GALNTL6: variants seen among roughly 807,000 people sequenced by gnomAD.
GALNTL6 encodes polypeptide N-acetylgalactosaminyltransferase-like 6.
A neutral mutation model predicts 73.7 loss-of-function variants in GALNTL6; 46 were observed. The observed-to-expected ratio is 0.62, with a 90% confidence interval of 0.49 to 0.80. The LOEUF is 0.80. GALNTL6 is among the 30% of genes least tolerant of loss of function. The pLI, the probability that GALNTL6 is intolerant of heterozygous loss-of-function variation, is 0.00. For missense variants in GALNTL6, 604 were observed against 755.0 expected (o/e 0.80, Z 2.34); for synonymous variants, 259 against 263.7 (o/e 0.98, Z 0.17).
In GALNTL6 at chr4:171,890,228, C is replaced by G. The variant is rs566111767; in HGVS notation, c.138+75510C>G. 5.3e-5 allele frequency among the ~76,000 whole-genome samples: 8 copies of G among 152,130 alleles called. No individual in the cohort carries two copies. In the East Asian group the frequency reaches 1.5e-3, roughly 29 times the overall value. Reference sequence around the variant, plus strand: ...ATGTATATATCATCATTTCCAAGACCTGCAAAGTCAAGTGGTTTTTATAAA... The same window carrying G: ...ATGTATATATCATCATTTCCAAGACGTGCAAAGTCAAGTGGTTTTTATAAA... On this transcript the variant is annotated intron_variant, in intron 2 of 12. Transcript: ENST00000506823.
At chr4:172,108,082 A>T (rs1732738642) in intron 2 of GALNTL6, among the ~76,000 whole-genome samples, 1 of 152,180 alleles carries the variant, frequency 6.6e-6, no homozygotes, top group African/African-American at 2.4e-5. Context: ...CTGGGGAAAC[A>T]GTTAATGTAA....
chr4:172,175,627 T>C (rs2110833798), intron 2 of GALNTL6, among the ~76,000 whole-genome samples: 2 of 152,362 alleles, frequency 1.3e-5, no homozygotes, highest in Middle Eastern at 6.8e-3. Flanking sequence ...TTAACAATGC[T>C]AAGAATTTTG....
intron 5 of GALNTL6, among the ~76,000 whole-genome samples, chr4:172,425,490 A>T (rs1233594445): frequency 6.6e-6 from 1 of 152,096 alleles, no homozygotes; most frequent in East Asian, 1.9e-4. Flanking sequence ...ATCTTACCAA[A>T]GTACACACTG....
intron 2 of GALNTL6, among the ~76,000 whole-genome samples, chr4:172,036,861 A>C (rs1358338569): frequency 6.6e-6 from 1 of 152,156 alleles, no homozygotes; most frequent in Non-Finnish European, 1.5e-5. Context: ...CCTTGAAATA[A>C]TATCTCTTTT....
intron 8 of GALNTL6, among the ~76,000 whole-genome samples, chr4:172,919,540 C>G (rs925313683): frequency 6.6e-6 from 1 of 152,072 alleles, no homozygotes; most frequent in Non-Finnish European, 1.5e-5. Context: ...CCCAAGTGAG[C>G]GGCAAAGGAA....
At chr4:172,580,741 A>G (rs12647770) in intron 5 of GALNTL6, among the ~76,000 whole-genome samples, 72,255 of 151,698 alleles carry the variant, frequency 0.48, 18,840 homozygotes, top group East Asian at 0.67. Context: ...ACATTATTTA[A>G]CTGTAGGATT....
rs1231984510 is a variant in GALNTL6, at chr4:172,374,414, G to C, written c.553+25725G>C. 2.6e-5 allele frequency among the ~76,000 whole-genome samples: 4 copies of C among 152,300 alleles called. No individual in the cohort carries two copies. In the East Asian group the frequency reaches 5.8e-4, roughly 22 times the overall value. On this transcript the variant is annotated intron_variant, in intron 5 of 12. Transcript: ENST00000506823. Reference sequence around the variant, plus strand: ...GAGCTTTCTCCTGATATCTGCAGCTGATTGGGTAATAAACTTATCTTTTAG... The same window carrying C: ...GAGCTTTCTCCTGATATCTGCAGCTCATTGGGTAATAAACTTATCTTTTAG...
chr4:172,980,540 A>G (rs940660516), intron 10 of GALNTL6, among the ~76,000 whole-genome samples: 5 of 152,132 alleles, frequency 3.3e-5, no homozygotes, highest in East Asian at 1.9e-4. Flanking sequence ...GGATGCTAGC[A>G]TGGTCAGGTC....
chr4:172,411,385 G>A (rs1011668330), intron 5 of GALNTL6, among the ~76,000 whole-genome samples: 2 of 152,142 alleles, frequency 1.3e-5, no homozygotes, highest in African/African-American at 2.4e-5. Flanking sequence ...GAGGAAGCTG[G>A]TAATGCAATT....
chr4:171,851,849 A>G (rs4621395), intron 2 of GALNTL6, among the ~76,000 whole-genome samples: 107,151 of 152,056 alleles, frequency 0.7, 38,351 homozygotes, highest in South Asian at 0.86. Flanking sequence ...AAAAGAGCTT[A>G]CTGCCACAAG....
chr4:172,009,645 T>TG (rs1472075330), intron 2 of GALNTL6, among the ~76,000 whole-genome samples: 1 of 152,114 alleles, frequency 6.6e-6, no homozygotes, highest in South Asian at 2.1e-4. Flanking sequence ...AATGTGGTTT[T>TG]GTGGTATATT....
intron 5 of GALNTL6, among the ~76,000 whole-genome samples, chr4:172,496,794 C>A (rs1166245222): frequency 6.6e-6 from 1 of 152,186 alleles, no homozygotes; most frequent in Non-Finnish European, 1.5e-5. Context: ...AGATTTAGAT[C>A]TAAATTCTAT....
chr4:172,948,546 G>A (rs545233817), intron 9 of GALNTL6, among the ~76,000 whole-genome samples: 3 of 151,534 alleles, frequency 2.0e-5, no homozygotes, highest in Non-Finnish European at 2.9e-5. Flanking sequence ...TCCACCTCTC[G>A]GGTTCAAGTG....
chr4:171,849,621 A>G (rs960195138), intron 2 of GALNTL6, among the ~76,000 whole-genome samples: 29 of 152,336 alleles, frequency 1.9e-4, no homozygotes, highest in African/African-American at 5.3e-4. Flanking sequence ...AAGTCTAAAT[A>G]GGTAAATTTA....
chr4:172,742,985 C>T (rs948071681), intron 5 of GALNTL6, among the ~76,000 whole-genome samples: 1 of 151,984 alleles, frequency 6.6e-6, no homozygotes, highest in Non-Finnish European at 1.5e-5. Flanking sequence ...GTCAAATAAT[C>T]CCAATTAATC....
chr4:172,982,655 A>G (rs1361644670), intron 10 of GALNTL6, among the ~76,000 whole-genome samples: 1 of 152,240 alleles, frequency 6.6e-6, no homozygotes, highest in Non-Finnish European at 1.5e-5. Flanking sequence ...TGTATTGTCT[A>G]GCAGGTTGAA....
chr4:171,859,926 G>T (rs1475437653), intron 2 of GALNTL6, among the ~76,000 whole-genome samples: 5 of 152,182 alleles, frequency 3.3e-5, no homozygotes, highest in Non-Finnish European at 5.9e-5. Flanking sequence ...ATGGCCTGAG[G>T]CCTCGGACAT....
At chr4:173,012,873 C>T (rs1752615391) in intron 11 of GALNTL6, among the ~76,000 whole-genome samples, 1 of 152,166 alleles carries the variant, frequency 6.6e-6, no homozygotes, top group South Asian at 2.1e-4. Context: ...CACGGTGACT[C>T]GCGCCTATAA....
intron 2 of GALNTL6, among the ~76,000 whole-genome samples, chr4:171,952,156 G>A (rs1738903239): frequency 1.3e-5 from 2 of 151,904 alleles, no homozygotes; most frequent in Admixed American, 1.3e-4. Context: ...GATATTAATG[G>A]AGATAAATAT....
Sources: allele counts gnomAD v4.1 joint callset (sites outside exome capture counted in the v4.1 genomes callset), GRCh38; gene constraint gnomAD v4.1.1; transcripts MANE v1.5; gene names NCBI Gene and HGNC (gene_info 2026-07-23, HGNC 2026-07-21).